The following PAK5 variants were observed in gnomAD, a reference collection of about 807,000 sequenced individuals.
PAK5 encodes the protein p21 (RAC1) activated kinase 5.
In PAK5, 16 loss-of-function variants were observed where a neutral mutation model predicts 65.9. The observed-to-expected ratio is 0.24, with a 90% CI of 0.16 to 0.37. The LOEUF (loss-of-function observed/expected upper bound fraction) is 0.37. Ranked by LOEUF, PAK5 falls within the 10% of genes least tolerant of loss-of-function variation. The pLI is 1.00. For synonymous variants in PAK5, 371 were observed against 354.9 expected (o/e 1.05, Z -0.51); for missense variants, 785 against 903.9 (o/e 0.87, Z 1.69).
chr20:9,688,708 C>T (rs2047753104), intron 2 of PAK5, among the ~76,000 whole-genome samples: 1 of 152,008 alleles, frequency 6.6e-6, no homozygotes, highest in Admixed American at 6.6e-5. Flanking sequence ...GAGTCAGGGG[C>T]ACTCCAACAC....
At chr20:9,627,179 C>T (rs556398841) in intron 3 of PAK5, among the ~76,000 whole-genome samples, 1 of 152,346 alleles carries the variant, frequency 6.6e-6, no homozygotes, top group African/African-American at 2.4e-5. Flanking sequence ...TTATCACATT[C>T]AGCTGTTTCT....
At chr20:9,783,574 G>T (rs558022189) in intron 1 of PAK5, among the ~76,000 whole-genome samples, 4 of 152,048 alleles carry the variant, frequency 2.6e-5, no homozygotes, top group Admixed American at 2.0e-4. Flanking sequence ...TCTCAAGAAG[G>T]TTACCTTCAC....
chr20:9,582,739 G>C (rs1422285494), intron 3 of PAK5, among the ~76,000 whole-genome samples: 1 of 152,216 alleles, frequency 6.6e-6, no homozygotes, highest in Admixed American at 6.5e-5. Context: ...TTCTGCACAG[G>C]AGACTTGCTT....
At chr20:9,789,248 T>G (rs2049024553) in intron 1 of PAK5, among the ~76,000 whole-genome samples, 1 of 152,190 alleles carries the variant, frequency 6.6e-6, no homozygotes, top group South Asian at 2.1e-4. Context: ...AAGTTATGTC[T>G]TATTCACAAC....
chr20:9,824,427 G>C (rs1251877063), intron 1 of PAK5, among the ~76,000 whole-genome samples: 2 of 152,164 alleles, frequency 1.3e-5, no homozygotes, highest in African/African-American at 2.4e-5. Context: ...GGTTTATCTA[G>C]AGAAGAATTG....
chr20:9,740,110 G>T (rs907227897), intron 1 of PAK5, among the ~76,000 whole-genome samples: 1 of 152,122 alleles, frequency 6.6e-6, no homozygotes, highest in South Asian at 2.1e-4. Context: ...AATTAAAAGC[G>T]TTCTTTGGTG....
chr20:9,804,367 G>C (rs936645197), intron 1 of PAK5, among the ~76,000 whole-genome samples: 1 of 152,138 alleles, frequency 6.6e-6, no homozygotes, highest in African/African-American at 2.4e-5. Context: ...ACAGAGGATA[G>C]ACATATACAT....
chr20:9,661,516 C>G (rs1472806279), intron 2 of PAK5, among the ~76,000 whole-genome samples: 1 of 152,130 alleles, frequency 6.6e-6, no homozygotes, highest in Non-Finnish European at 1.5e-5. Context: ...TGAATTGTCT[C>G]CAATGACTAT....
At chr20:9,763,543 A>C (rs1031932152) in intron 1 of PAK5, among the ~76,000 whole-genome samples, 19 of 152,226 alleles carry the variant, frequency 1.2e-4, no homozygotes, top group Admixed American at 3.3e-4. Context: ...CAAAACAAAA[A>C]AAAACAATCT....
chr20:9,745,945 C>G (rs1160585876), intron 1 of PAK5, among the ~76,000 whole-genome samples: 1 of 151,986 alleles, frequency 6.6e-6, no homozygotes, highest in Non-Finnish European at 1.5e-5. Flanking sequence ...GTGGCCTCAG[C>G]TTTTTCTCCC....
chr20:9,805,634 C>T (rs368479537), intron 1 of PAK5, among the ~76,000 whole-genome samples: 12 of 152,276 alleles, frequency 7.9e-5, no homozygotes, highest in East Asian at 3.9e-4. Flanking sequence ...AGACCACATA[C>T]TCCATTTATA....
chr20:9,706,131 C>G (rs1303617396), intron 2 of PAK5, among the ~76,000 whole-genome samples: 1 of 152,174 alleles, frequency 6.6e-6, no homozygotes, highest in African/African-American at 2.4e-5. Flanking sequence ...GCACAAATCT[C>G]TATATAAATA....
At chr20:9,765,198 G>GA (rs995596857) in intron 1 of PAK5, among the ~76,000 whole-genome samples, 8 of 152,210 alleles carry the variant, frequency 5.3e-5, no homozygotes, top group African/African-American at 1.9e-4. Context: ...TTGCATGAGT[G>GA]AAAAACAAAC....
intron 1 of PAK5, among the ~76,000 whole-genome samples, chr20:9,822,959 C>A (rs186721365): frequency 4.3e-4 from 66 of 152,296 alleles, no homozygotes; most frequent in Admixed American, 7.2e-4. Context: ...ATTTTGGCAG[C>A]CTTTCTGCTA....
At chr20:9,809,816 C>T (rs2049277028) in intron 1 of PAK5, among the ~76,000 whole-genome samples, 1 of 152,114 alleles carries the variant, frequency 6.6e-6, no homozygotes, top group Admixed American at 6.6e-5. Flanking sequence ...TTACCAGAAC[C>T]ACTCTTCGGA....
intron 1 of PAK5, among the ~76,000 whole-genome samples, chr20:9,782,904 T>A (rs1258680237): frequency 6.6e-6 from 1 of 151,578 alleles, no homozygotes; most frequent in Non-Finnish European, 1.5e-5. Context: ...TGCTTTTTCT[T>A]TTCTTTTTTC....
At chr20:9,745,323 C>CT (rs33916267) in intron 1 of PAK5, among the ~76,000 whole-genome samples, 41,218 of 151,528 alleles carry the variant, frequency 0.27, 6,682 homozygotes, top group African/African-American at 0.45. Context: ...GCAATTTTTG[C>CT]TTTTAATATA....
chr20:9,637,312 C>T (rs1046616381), intron 3 of PAK5, among the ~76,000 whole-genome samples: 2 of 152,140 alleles, frequency 1.3e-5, no homozygotes, highest in South Asian at 2.1e-4. Flanking sequence ...AAATTTAAAA[C>T]ATAAGACTAT....
intron 2 of PAK5, among the ~76,000 whole-genome samples, chr20:9,686,500 ATCC>A (rs1377340639): frequency 6.6e-6 from 1 of 151,986 alleles, no homozygotes; most frequent in Non-Finnish European, 1.5e-5. Context: ...GGATCAGGCA[ATCC>A]TCCTGCCTCT....
Sources: gnomAD v4.1 joint callset for allele counts (sites outside exome capture counted in the v4.1 genomes callset) on GRCh38, gnomAD v4.1.1 for gene constraint, MANE v1.5 for transcripts, NCBI Gene and HGNC (gene_info 2026-07-23, HGNC 2026-07-21) for gene names.